The following POU6F2 variants were observed in gnomAD, a reference collection of about 807,000 sequenced individuals.
POU6F2 encodes POU domain, class 6, transcription factor 2.
A neutral mutation model predicts 71.3 loss-of-function variants in POU6F2; 31 were observed. The ratio of observed to expected loss-of-function variants is 0.43; its 90% confidence interval spans 0.33 to 0.59. The LOEUF (loss-of-function observed/expected upper bound fraction) is 0.59, where lower values mean the gene tolerates loss of function less well. POU6F2 is among the 20% of genes least tolerant of loss of function. POU6F2 has a pLI of 0.04. For synonymous variants in POU6F2, 347 were observed against 355.7 expected (o/e 0.98, Z 0.27); for missense variants, 783 against 856.8 (o/e 0.91, Z 1.07).
chr7:39,376,804 A>G (rs1786719267), intron 5 of POU6F2, among the ~76,000 whole-genome samples: 1 of 151,914 alleles, frequency 6.6e-6, no homozygotes, highest in South Asian at 2.1e-4. Flanking sequence ...TCTGTGATGG[A>G]CATAGCTTTG....
chr7:39,046,092 G>C (rs947590599), intron 1 of POU6F2, among the ~76,000 whole-genome samples: 1 of 151,614 alleles, frequency 6.6e-6, no homozygotes, highest in Non-Finnish European at 1.5e-5. Flanking sequence ...TAACAGCTCA[G>C]GTTTCTCCAC....
chr7:39,328,662 T>C (rs543558543), intron 4 of POU6F2, among the ~76,000 whole-genome samples: 1 of 152,362 alleles, frequency 6.6e-6, no homozygotes, highest in South Asian at 2.1e-4. Context: ...GGCGCTAATA[T>C]TATTGCCCTT....
chr7:39,264,341 T>C (rs1050951253), intron 4 of POU6F2, among the ~76,000 whole-genome samples: 12 of 152,226 alleles, frequency 7.9e-5, no homozygotes, highest in African/African-American at 2.4e-4. Flanking sequence ...TCAAATGCAC[T>C]TGGACGCCCA....
intron 5 of POU6F2, among the ~76,000 whole-genome samples, chr7:39,359,761 G>T (rs1267592592): frequency 1.3e-5 from 2 of 152,168 alleles, no homozygotes; most frequent in South Asian, 2.1e-4. Context: ...ACTTGAAAAG[G>T]CCCATCCATA....
chr7:39,386,818 G>A (rs1202317293), intron 5 of POU6F2, among the ~76,000 whole-genome samples: 1 of 152,200 alleles, frequency 6.6e-6, no homozygotes. Flanking sequence ...TTGCCTTCCA[G>A]TCTGTCTTCA....
In POU6F2 at chr7:39,048,659, T is replaced by C. The variant is rs78042062; in HGVS notation, c.106-37201T>C. Among the ~76,000 whole-genome samples, 48 of 152,186 alleles carry C rather than the reference T, an allele frequency of 3.2e-4. 2 individuals are homozygous for C. The East Asian group carries it at 8.9e-3, about 28-fold the overall frequency. On this transcript the variant is annotated intron_variant, in intron 1 of 9. Transcript: ENST00000518318. The stretch of plus-strand genomic sequence containing the variant: ...GCTGCAATGAACATACATGTGCATG[T>C]CTTTTTGATAGAAAAATTTATATTC...
intron 5 of POU6F2, among the ~76,000 whole-genome samples, chr7:39,395,221 T>C (rs1398641374): frequency 1.3e-5 from 2 of 152,204 alleles, no homozygotes; most frequent in African/African-American, 4.8e-5. Context: ...TACAAGCACG[T>C]GCCTTACCCC....
At chr7:39,141,218 TATTG>T (rs1792493316) in intron 2 of POU6F2, among the ~76,000 whole-genome samples, 1 of 152,178 alleles carries the variant, frequency 6.6e-6, no homozygotes, top group Non-Finnish European at 1.5e-5. Context: ...TATTGATAAT[TATTG>T]ATTATCAATA....
chr7:39,279,671 A>G (rs1294205026), intron 4 of POU6F2, among the ~76,000 whole-genome samples: 2 of 152,078 alleles, frequency 1.3e-5, no homozygotes, highest in African/African-American at 4.8e-5. Context: ...TGGCTTGTAC[A>G]TTGTATCACT....
chr7:39,370,453 G>A (rs1215783259), intron 5 of POU6F2, among the ~76,000 whole-genome samples: 1 of 152,348 alleles, frequency 6.6e-6, no homozygotes, highest in East Asian at 1.9e-4. Flanking sequence ...GCAGGGCTCT[G>A]AAGCTCTAGT....
At chr7:39,028,636 C>T (rs965882049) in intron 1 of POU6F2, among the ~76,000 whole-genome samples, 2 of 151,942 alleles carry the variant, frequency 1.3e-5, no homozygotes, top group Non-Finnish European at 1.5e-5. Context: ...AGAATTAACA[C>T]CTGTATGCTA....
chr7:39,399,089 T>C (rs537048579), intron 5 of POU6F2, among the ~76,000 whole-genome samples: 1 of 152,330 alleles, frequency 6.6e-6, no homozygotes, highest in South Asian at 2.1e-4. Context: ...TGAGCAACTC[T>C]GTGCTGCCTC....
At chr7:39,163,853 T>C (rs536980040) in intron 2 of POU6F2, among the ~76,000 whole-genome samples, 1 of 152,296 alleles carries the variant, frequency 6.6e-6, no homozygotes, top group South Asian at 2.1e-4. Context: ...GGAAATCTTG[T>C]CATTTGTAAC....
chr7:39,185,115 G>T (rs1793506549), intron 2 of POU6F2, among the ~76,000 whole-genome samples: 1 of 151,962 alleles, frequency 6.6e-6, no homozygotes, highest in South Asian at 2.1e-4. Flanking sequence ...TTTTCAAGCT[G>T]ATGTTTATCC....
intron 2 of POU6F2, among the ~76,000 whole-genome samples, chr7:39,091,211 T>C (rs1363450363): frequency 6.6e-6 from 1 of 152,116 alleles, no homozygotes; most frequent in East Asian, 1.9e-4. Context: ...ACCATATTTG[T>C]TTGTGGAGCT....
intron 4 of POU6F2, among the ~76,000 whole-genome samples, chr7:39,274,451 A>G: frequency 7.2e-6 from 1 of 138,742 alleles, no homozygotes; most frequent in Admixed American, 7.5e-5. Flanking sequence ...ATGGATTCAC[A>G]GCCGAATTCT....
chr7:39,446,150 G>C (rs1194819190), intron 7 of POU6F2, among the ~76,000 whole-genome samples: 3 of 152,228 alleles, frequency 2.0e-5, no homozygotes, highest in Admixed American at 1.3e-4. Context: ...GGCAGGGAGG[G>C]CAAGTAATGA....
At chr7:39,254,357 G>C (rs1477733243) in intron 4 of POU6F2, among the ~76,000 whole-genome samples, 1 of 152,176 alleles carries the variant, frequency 6.6e-6, no homozygotes, top group Non-Finnish European at 1.5e-5. Flanking sequence ...AAATGGAAGA[G>C]TCAAGGTTTG....
Position 39,249,801 on chromosome 7 carries a change from G to A in POU6F2, c.598+42181G>A, listed in dbSNP as rs566296222. On this transcript the variant is annotated intron_variant, in intron 4 of 9. Transcript: ENST00000518318. ...CAGCAAATGCAGCTCTCAATCTCCC[G>A]GTGCTTTTAGTGTCAGTCAGAGAGT... Among the ~76,000 whole-genome samples the A allele has an allele frequency of 5.8e-4, 88 of 152,168 alleles. 1 individual carries two copies. The highest frequency in any genetic ancestry group is 6.8e-3 in the Middle Eastern group (2 of 294).
Sources: gnomAD v4.1 joint callset for allele counts (sites outside exome capture counted in the v4.1 genomes callset) on GRCh38, gnomAD v4.1.1 for gene constraint, MANE v1.5 for transcripts, NCBI Gene and HGNC (gene_info 2026-07-23, HGNC 2026-07-21) for gene names.